The following RGSL1 variants were observed in gnomAD, a reference collection of about 807,000 sequenced individuals.
RGSL1 encodes regulator of G protein signaling protein-like.
Under a neutral mutation model 124.7 loss-of-function variants are expected in RGSL1, and 97 were observed. The ratio of observed to expected loss-of-function variants is 0.78; its 90% CI spans 0.66 to 0.92. The LOEUF is 0.92. Among genes scored for constraint, RGSL1 ranks in the 40% least tolerant of loss-of-function variants. The pLI is 0.00. For synonymous variants in RGSL1, 424 were observed against 438.1 expected, an observed-to-expected ratio of 0.97 and a Z score of 0.40; for missense variants, 1,233 against 1,288.4, an observed-to-expected ratio of 0.96 and a Z score of 0.66.
intron 14 of RGSL1, among the ~76,000 whole-genome samples, chr1:182,539,344 T>G (rs934380252): frequency 7.2e-5 from 11 of 152,166 alleles, no homozygotes; most frequent in Non-Finnish European, 1.5e-5. Flanking sequence ...TCTTACGTCT[T>G]ATTCAGTATG....
chr1:182,557,775 CT>C (rs1429121518), intron 21 of RGSL1, among the ~76,000 whole-genome samples: 1 of 152,162 alleles, frequency 6.6e-6, no homozygotes, highest in Admixed American at 6.5e-5. Flanking sequence ...AAAAAATCTT[CT>C]CTTTTGTTAA....
intron 6 of RGSL1, among the ~76,000 whole-genome samples, chr1:182,474,780 A>G (rs541100223): frequency 6.6e-6 from 1 of 152,324 alleles, no homozygotes; most frequent in Admixed American, 6.5e-5. Flanking sequence ...AACAGCGGGT[A>G]AGCAAGCATT....
At chr1:182,467,495 C>G (rs1398954674) in intron 4 of RGSL1, among the ~76,000 whole-genome samples, 1 of 152,022 alleles carries the variant, frequency 6.6e-6, no homozygotes, top group Non-Finnish European at 1.5e-5. Context: ...TTTGACAAAC[C>G]TGACAAAAAC....
chr1:182,549,844 A>G (rs765557526), intron 17 of RGSL1: 5 of 152,246 alleles, frequency 3.3e-5, no homozygotes, highest in Non-Finnish European at 7.3e-5. Flanking sequence ...AACCTTTTGA[A>G]CATCAAATGT....
chr1:182,477,902 A>G (rs544923184), intron 6 of RGSL1, among the ~76,000 whole-genome samples: 2 of 152,346 alleles, frequency 1.3e-5, no homozygotes, highest in Admixed American at 1.3e-4. Flanking sequence ...CACCAATGCA[A>G]GGATACAAGG....
chr1:182,493,239 C>A, intron 9 of RGSL1, 110 bp downstream of exon 9: 1 of 746,852 alleles, frequency 1.3e-6, no homozygotes, highest in East Asian at 2.7e-5. Flanking sequence ...AGGAACCATG[C>A]TCTGTTGGAA....
chr1:182,542,653 T>C (rs563317229), intron 15 of RGSL1, among the ~76,000 whole-genome samples: 41 of 152,096 alleles, frequency 2.7e-4, no homozygotes, highest in Non-Finnish European at 4.7e-4. Context: ...ATTTCTTTGG[T>C]TAGTGTAGAC....
chr1:182,548,803 T>A lies in RGSL1; in HGVS notation c.2912T>A (p.Val971Asp), dbSNP rs1294901982. The A allele has an allele frequency of 5.8e-6, 9 of 1,551,640 alleles. No individual in the cohort carries two copies. The Admixed American group carries it at 1.6e-4, about 27-fold the overall frequency. ...GGGGCTATCATGTCTGTCTTCCCCG[T>A]TGTTATGTACTTCTGGAAAAGGTAA... ...FHGAIMSVFP[V>D]VMYFWKRFCF... The change falls in exon 17 of 22, where the codon GTT (valine) becomes GAT (aspartate). Residue 971 changes from valine to aspartate, a missense_variant. By Grantham distance (152) the Val-to-Asp change is radical. Transcript: ENST00000294854.
At chr1:182,547,713 T>A (rs1444005546) in intron 15 of RGSL1, among the ~76,000 whole-genome samples, 5 of 151,790 alleles carry the variant, frequency 3.3e-5, no homozygotes, top group African/African-American at 1.2e-4. Flanking sequence ...TACAAAAAAT[T>A]AGCCAGGTGT....
chr1:182,483,833 G>T (rs1209136750), intron 6 of RGSL1, among the ~76,000 whole-genome samples: 1 of 152,078 alleles, frequency 6.6e-6, no homozygotes, highest in Non-Finnish European at 1.5e-5. Context: ...TCCCCTAGGA[G>T]CTCAAGCCCC....
chr1:182,481,713 T>C lies in RGSL1; in HGVS notation c.1432-6572T>C, dbSNP rs1004830752. ...AAAATACGAGCATGGCCAGGTGCAG[T>C]GGTTCATGCCTGTAACCCCAGCACT... is the stretch of plus-strand genomic sequence containing the variant. On this transcript the variant is annotated intron_variant, in intron 6 of 21. Transcript: ENST00000294854. 2.6e-5 allele frequency among the ~76,000 whole-genome samples: 4 copies of C among 151,628 alleles called. No individual in the cohort carries two copies. The South Asian group carries it at 6.3e-4, about 24-fold the overall frequency.
chr1:182,469,362 C>T (rs1653625739), intron 4 of RGSL1, among the ~76,000 whole-genome samples: 1 of 151,984 alleles, frequency 6.6e-6, no homozygotes, highest in Non-Finnish European at 1.5e-5. Flanking sequence ...CTTAATTAAA[C>T]AAAACATTCC....
chr1:182,501,052 C>G (rs1050489106), intron 9 of RGSL1, among the ~76,000 whole-genome samples: 1 of 152,090 alleles, frequency 6.6e-6, no homozygotes, highest in Admixed American at 6.5e-5. Context: ...TGAAAGAAGG[C>G]ATGCTTGTCT....
chr1:182,556,734 T>C (rs1044943507), intron 21 of RGSL1, among the ~76,000 whole-genome samples: 14 of 152,144 alleles, frequency 9.2e-5, no homozygotes, highest in African/African-American at 2.4e-5. Context: ...ATTTGCCAAC[T>C]AGTGGATAAA....
chr1:182,449,602 A>AG (rs1651667154), upstream of RGSL1, among the ~76,000 whole-genome samples: 4 of 152,312 alleles, frequency 2.6e-5, no homozygotes, highest in South Asian at 8.3e-4. Context: ...CTTCAGAGGA[A>AG]GGGAGTTCAA....
At chr1:182,550,726 A>G (rs185580) in intron 17 of RGSL1, 165,818 of 183,598 alleles carry the variant, frequency 0.9, 75,196 homozygotes, top group Non-Finnish European at 0.92. Context: ...AAAGCCCTTC[A>G]GACACTCTGG....
intron 21 of RGSL1, among the ~76,000 whole-genome samples, chr1:182,557,998 C>T (rs1297145115): frequency 1.3e-5 from 2 of 151,908 alleles, no homozygotes; most frequent in African/African-American, 2.4e-5. Flanking sequence ...GGGTCAGAGA[C>T]AGTCCGCTCA....
At position 182,548,824 on chromosome 1, in the gene RGSL1, G is replaced by A; in HGVS notation, c.2933G>A (p.Arg978Lys). The A allele has an allele frequency of 6.4e-7, 1 of 1,551,456 alleles. No individual in the cohort carries two copies. Among genetic ancestry groups the A allele is most frequent in the Non-Finnish European group, 8.7e-7 (1 of 1,146,898 alleles). ...VFPVVMYFWK[R>K]FCFWKATRSY... ...CCCGTTGTTATGTACTTCTGGAAAA[G>A]GTAACTGTTTCTCCTTATTCAGTGA... Residue 978 changes from arginine to lysine, a missense_variant and splice_region_variant, in exon 17 of 22, where the codon AGG becomes AAG. Transcript: ENST00000294854.
chr1:182,522,234 A>G (rs908151885), intron 10 of RGSL1, 125 bp downstream of exon 10: 3 of 676,660 alleles, frequency 4.4e-6, no homozygotes, highest in Admixed American at 2.9e-5. Flanking sequence ...TATACAATAC[A>G]TACAGGTACA....
Sources: gnomAD v4.1 joint callset for allele counts (sites outside exome capture counted in the v4.1 genomes callset) on GRCh38, gnomAD v4.1.1 for gene constraint, MANE v1.5 for transcripts, NCBI Gene and HGNC (gene_info 2026-07-23, HGNC 2026-07-21) for gene names.